NBEAL1: variants seen among roughly 807,000 people sequenced by gnomAD.
NBEAL1 encodes neurobeachin like 1.
A neutral mutation model predicts 351.3 loss-of-function variants in NBEAL1; 273 were observed. The observed-to-expected ratio is 0.78, with a 90% CI of 0.70 to 0.86. The LOEUF is 0.86. Among genes scored for constraint, NBEAL1 ranks in the 40% least tolerant of loss-of-function variants. The pLI, the probability that NBEAL1 is intolerant of heterozygous loss-of-function variation, is 0.00. For missense variants in NBEAL1, 2,961 were observed against 3,201.3 expected (o/e 0.92, Z 1.81); for synonymous variants, 1,050 against 1,086.4 (o/e 0.97, Z 0.66).
chr2:203,198,003 A>AT (rs1478042527), intron 48 of NBEAL1, among the ~76,000 whole-genome samples: 14 of 146,356 alleles, frequency 9.6e-5, no homozygotes, highest in Admixed American at 2.8e-4. Flanking sequence ...CCTTATATAT[A>AT]TATTTTTTTT....
At chr2:203,216,501 T>C (rs1239778017) in intron 55 of NBEAL1, among the ~76,000 whole-genome samples, 3 of 152,078 alleles carry the variant, frequency 2.0e-5, no homozygotes, top group African/African-American at 7.2e-5. Context: ...CCCAGCACTT[T>C]GGGAGGCTGA....
chr2:203,157,878 C>A, intron 36 of NBEAL1, 53 bp downstream of exon 36: 1 of 1,368,122 alleles, frequency 7.3e-7, no homozygotes, highest in Non-Finnish European at 9.6e-7. Flanking sequence ...ATTGCAAAAT[C>A]GTGGAAAAGA....
rs34190645 is a variant in NBEAL1, at chr2:203,174,858, C to CAAATAAAT, written c.6324-257_6324-250dup. Reference sequence around the variant, plus strand: ...GTGAGCCGAGAGCGAGACTCTGTCTCAAATAAATAAATAAATAAATAAATA... The same window carrying CAAATAAAT: ...GTGAGCCGAGAGCGAGACTCTGTCTCAAATAAATAAATAAATAAATAAATAAATAAATA... On this transcript the variant is annotated intron_variant, in intron 41 of 55. Coordinates refer to ENST00000683969, the MANE Select transcript of NBEAL1 (RefSeq NM_001378026.1). Among the ~76,000 whole-genome samples the CAAATAAAT allele has an allele frequency of 4.0e-3, 577 of 143,368 alleles. 7 individuals carry two copies. The East Asian group carries it at 0.048, about 12-fold the overall frequency. 94.1% of individuals were successfully genotyped at this position (143,368 alleles called of 152,430 possible).
intron 3 of NBEAL1, among the ~76,000 whole-genome samples, chr2:203,046,239 A>G (rs2061223038): frequency 6.6e-6 from 1 of 151,974 alleles, no homozygotes; most frequent in Admixed American, 6.6e-5. Flanking sequence ...TATTTGAGAC[A>G]GAGTCTCACT....
chr2:203,039,143 TC>T (rs2061087244), intron 2 of NBEAL1, among the ~76,000 whole-genome samples: 1 of 148,436 alleles, frequency 6.7e-6, no homozygotes, highest in East Asian at 1.9e-4. Context: ...GTCTTTCTTG[TC>T]TGTCTTGTCT....
rs965434660 is a variant in NBEAL1, at chr2:203,224,631, T to G, written c.*7277T>G. Among the ~76,000 whole-genome samples the G allele has an allele frequency of 6.6e-6, 1 of 152,154 alleles. No homozygotes were observed. Among genetic ancestry groups the G allele is most frequent in the Non-Finnish European group, 1.5e-5 (1 of 67,970 alleles). On this transcript the variant is annotated 3_prime_UTR_variant, in exon 56 of 56. Transcript: ENST00000683969. ...AGAATGACTTGTTTTTTGAAAGTACTTGGAAATTGTGCTGCTACTTAAATA... is the reference window on the plus strand; with the variant it reads ...AGAATGACTTGTTTTTTGAAAGTACGTGGAAATTGTGCTGCTACTTAAATA...
chr2:203,070,644 CTGCT>C (rs563002484), intron 7 of NBEAL1, among the ~76,000 whole-genome samples: 10 of 152,318 alleles, frequency 6.6e-5, no homozygotes, highest in Admixed American at 5.2e-4. Context: ...ATGACAGCCT[CTGCT>C]TCTGGGGAAG....
chr2:203,190,208 ACC>A, intron 45 of NBEAL1, 82 bp from the exon 46 acceptor site: 1 of 708,904 alleles, frequency 1.4e-6, no homozygotes, highest in Non-Finnish European at 2.4e-6. Flanking sequence ...ACACACACAC[ACC>A]AATGAGCCTG....
Position 203,215,208 on chromosome 2 carries a change from T to G in NBEAL1, c.8070+1555T>G, listed in dbSNP as rs567909923. On this transcript the variant is annotated intron_variant, in intron 55 of 55. Coordinates refer to ENST00000683969, the MANE Select transcript of NBEAL1 (RefSeq NM_001378026.1). ...CCGTCTCTACTAAAAATACAAAAAT[T>G]AGCCGGGTGTGGGCCAGGTGCAGTG... Among the ~76,000 whole-genome samples, 4 of 151,384 alleles carry G rather than the reference T, an allele frequency of 2.6e-5. No homozygotes were observed. In the South Asian group the frequency reaches 8.3e-4, roughly 32 times the overall value.
chr2:203,099,464 A>G (rs1248328820), intron 11 of NBEAL1, among the ~76,000 whole-genome samples, 165 bp from the exon 12 acceptor site: 1 of 152,112 alleles, frequency 6.6e-6, no homozygotes, highest in Non-Finnish European at 1.5e-5. Flanking sequence ...TAAATAGGTA[A>G]CTTTCCTTGC....
chr2:203,094,453 T>A (rs1171720309), intron 10 of NBEAL1, among the ~76,000 whole-genome samples: 2 of 152,206 alleles, frequency 1.3e-5, no homozygotes, highest in Non-Finnish European at 2.9e-5. Context: ...TAGTATAGAA[T>A]AAAGACAGTT....
intron 8 of NBEAL1, among the ~76,000 whole-genome samples, chr2:203,082,061 T>G (rs1298235343): frequency 6.6e-6 from 1 of 152,190 alleles, no homozygotes; most frequent in Non-Finnish European, 1.5e-5. Context: ...CATTTCAACA[T>G]GGGTGACAGA....
At chr2:203,078,616 G>A (rs916212480) in intron 8 of NBEAL1, among the ~76,000 whole-genome samples, 2 of 152,118 alleles carry the variant, frequency 1.3e-5, no homozygotes, top group African/African-American at 2.4e-5. Context: ...CTGGAATTAC[G>A]GGCGTGAGTC....
chr2:203,041,813 T>A lies in NBEAL1; in HGVS notation c.100T>A (p.Tyr34Asn), dbSNP rs1481237910. 7 of 1,554,334 alleles carry A rather than the reference T, an allele frequency of 4.5e-6. No homozygotes were observed. Among genetic ancestry groups the A allele is most frequent in the Non-Finnish European group, 6.1e-6 (7 of 1,147,628 alleles). ...KLWLDTFVSS[Y>N]EQFLDVDFEK... is the part of the protein sequence containing the mutation. ...GTGGTTGGACACTTTTGTTTCTAGC[T>A]ATGAACAATTTTTAGACGTTGACTT... Residue 34 changes from tyrosine (Y) to asparagine (N), a missense_variant, in exon 3 of 56, where the codon TAT (tyrosine) becomes AAT (asparagine). Coordinates refer to ENST00000683969, the MANE Select transcript of NBEAL1 (RefSeq NM_001378026.1).
Position 203,202,826 on chromosome 2 carries a change from C to T in NBEAL1, c.7506+45C>T, listed in dbSNP as rs754191163. 26 of 1,048,858 alleles carry T rather than the reference C, an allele frequency of 2.5e-5. No individual in the cohort carries two copies. In the East Asian group the frequency reaches 2.9e-4, roughly 12 times the overall value. 65.0% of individuals were successfully genotyped at this position (1,048,858 alleles called of 1,614,324 possible). On this transcript the variant is annotated intron_variant, in intron 51 of 55. Coordinates refer to ENST00000683969, the MANE Select transcript of NBEAL1 (RefSeq NM_001378026.1). ...TTCTTGAATTAGGTCAGAGATTCAC[C>T]CTGAGAATACTAGCAAAATGTTCTA...
chr2:203,123,534 A>G lies in NBEAL1; in HGVS notation c.2682+1191A>G, dbSNP rs548738077. ...TTTTTAGTAGAGACAGGGTCTCACC[A>G]TGTTGGACAGACTGGTCTCGGACTC... On this transcript the variant is annotated intron_variant, in intron 19 of 55. Coordinates refer to ENST00000683969, the MANE Select transcript of NBEAL1 (RefSeq NM_001378026.1). 8.5e-5 allele frequency among the ~76,000 whole-genome samples: 13 copies of G among 152,048 alleles called. No homozygotes were observed. In the South Asian group the frequency reaches 2.3e-3, roughly 27 times the overall value.
intron 39 of NBEAL1, among the ~76,000 whole-genome samples, chr2:203,171,226 C>A (rs2064309104): frequency 6.6e-6 from 1 of 151,926 alleles, no homozygotes; most frequent in Non-Finnish European, 1.5e-5. Flanking sequence ...CCATTGCACT[C>A]CAGCCTGGGC....
At chr2:203,084,036 C>T (rs1362021399) in intron 9 of NBEAL1, among the ~76,000 whole-genome samples, 1 of 145,438 alleles carries the variant, frequency 6.9e-6, no homozygotes, top group Admixed American at 6.9e-5. Flanking sequence ...CTTCCCTTCT[C>T]TTTGTGTTGG....
intron 44 of NBEAL1, among the ~76,000 whole-genome samples, chr2:203,186,836 C>A (rs1255670001): frequency 1.3e-5 from 2 of 152,124 alleles, no homozygotes; most frequent in Non-Finnish European, 2.9e-5. Flanking sequence ...ACCAAACAGT[C>A]CCTTCTCTAC....
Sources: allele counts gnomAD v4.1 joint callset (sites outside exome capture counted in the v4.1 genomes callset), GRCh38; gene constraint gnomAD v4.1.1; transcripts MANE v1.5; gene names NCBI Gene and HGNC (gene_info 2026-07-23, HGNC 2026-07-21).